ATP11A: variants seen among roughly 807,000 people sequenced by gnomAD.
The protein encoded by ATP11A is phospholipid-transporting ATPase IH.
In ATP11A, 81 loss-of-function variants were observed where a neutral mutation model predicts 154.4. That is an observed-to-expected ratio of 0.52 (90% CI 0.44 to 0.63). ATP11A has a LOEUF of 0.63. Among genes scored for constraint, ATP11A ranks in the 30% least tolerant of loss-of-function variants. ATP11A has a pLI of 0.00. For synonymous variants in ATP11A, 623 were observed against 585.9 expected (o/e 1.06, Z -0.91); for missense variants, 1,316 against 1,474.3 (o/e 0.89, Z 1.76).
At chr13:112,693,170 ACTCC>A (rs1418425534) in intron 1 of ATP11A, among the ~76,000 whole-genome samples, 1 of 152,142 alleles carries the variant, frequency 6.6e-6, no homozygotes, top group Admixed American at 6.5e-5. Flanking sequence ...GTAGCCAGGT[ACTCC>A]ACACTGTGTG....
At chr13:112,713,684 A>G (rs1888027469) in intron 1 of ATP11A, among the ~76,000 whole-genome samples, 1 of 152,132 alleles carries the variant, frequency 6.6e-6, no homozygotes, top group African/African-American at 2.4e-5. Context: ...CTCGCGGTTT[A>G]ATTTGCGGGA....
At chr13:112,853,545 C>T (rs1016500092) in intron 18 of ATP11A, among the ~76,000 whole-genome samples, 6 of 152,146 alleles carry the variant, frequency 3.9e-5, no homozygotes, top group African/African-American at 9.7e-5. Flanking sequence ...ATGGTTTGAC[C>T]CCAGATCTCC....
At chr13:112,836,531 C>A (rs1208188890) in intron 16 of ATP11A, among the ~76,000 whole-genome samples, 1 of 152,170 alleles carries the variant, frequency 6.6e-6, no homozygotes, top group Non-Finnish European at 1.5e-5. Flanking sequence ...TTGAAAATTG[C>A]TTAATTCCAT....
rs2080903832 is a variant in ATP11A at position 112,882,247 on chromosome 13, C to T, written c.*381C>T. ...GGCTCAACGCAGGAGGGACATTCTG[C>T]TGGCCCACCCTGCGCGCTGTCATGC... On this transcript the variant is annotated 3_prime_UTR_variant, in exon 30 of 30. Transcript: ENST00000375645. This position sits in a 1 kb window ranked among gnomAD's most constrained non-coding sequence, Gnocchi z 5.1. 6 of 668,362 alleles carry T rather than the reference C, an allele frequency of 9.0e-6. No homozygotes were observed. Among genetic ancestry groups the T allele is most frequent in the South Asian group, 1.7e-5 (1 of 57,702 alleles). The allele number at this position is 668,362 out of a possible 1,614,324, so 41.4% of individuals were successfully genotyped here. A position where few individuals can be genotyped will look rare whatever the true frequency, so the allele number is the denominator to read the frequency against.
chr13:112,835,267 G>A (rs1304719602), intron 15 of ATP11A, among the ~76,000 whole-genome samples: 1 of 152,248 alleles, frequency 6.6e-6, no homozygotes, highest in Non-Finnish European at 1.5e-5. Flanking sequence ...AGGAGAGGGG[G>A]TGGTGGCTTA....
rs962786319 is a variant in ATP11A, at chr13:112,882,945, C to T, written c.*1079C>T. The T allele has an allele frequency of 2.5e-5, 10 of 399,118 alleles. No homozygotes were observed. The highest frequency in any genetic ancestry group is 4.4e-5 in the Admixed American group (1 of 22,720). 24.7% of individuals were successfully genotyped at this position (399,118 alleles called of 1,614,324 possible). ...ACGGGTGGATCCCAACAGGCAGCACCGCACCTCTGCCCGCCTCCCGCACTG... is the reference window on the plus strand; with the variant it reads ...ACGGGTGGATCCCAACAGGCAGCACTGCACCTCTGCCCGCCTCCCGCACTG... On this transcript the variant is annotated 3_prime_UTR_variant, in exon 30 of 30. Coordinates refer to ENST00000375645, the MANE Select transcript of ATP11A (RefSeq NM_015205.3). This position sits in a 1 kb window ranked among gnomAD's most constrained non-coding sequence, Gnocchi z 5.1.
chr13:112,858,056 T>C, intron 21 of ATP11A, 89 bp from the exon 22 acceptor site: 2 of 1,579,970 alleles, frequency 1.3e-6, no homozygotes, highest in Non-Finnish European at 1.7e-6. Flanking sequence ...AGGCTCATGA[T>C]GATGGTTTCA....
At position 112,827,407 on chromosome 13, in the gene ATP11A, T is replaced by G. The variant is rs114322805; in HGVS notation, c.1221+516T>G. ...GTGAAATGGAGATGATAACAGATGC[T>G]GGCCTTACAGGATTGGGTTGCAGAT... On this transcript the variant is annotated intron_variant, in intron 12 of 29. Transcript: ENST00000375645. 8.2e-3 allele frequency among the ~76,000 whole-genome samples: 1,253 copies of G among 152,360 alleles called. 20 individuals are homozygous for G. The highest frequency in any genetic ancestry group is 0.029 in the African/African-American group (1,204 of 41,580).
intron 6 of ATP11A, among the ~76,000 whole-genome samples, chr13:112,818,161 G>T (rs9635142): frequency 0.19 from 27,967 of 150,596 alleles, 3,113 homozygotes; most frequent in Middle Eastern, 0.25. Context: ...CCGTGTGTGC[G>T]CTTGGTGACA....
chr13:112,697,053 T>G lies in ATP11A; in HGVS notation c.39+6598T>G, dbSNP rs903590355. On this transcript the variant is annotated intron_variant, in intron 1 of 29. Transcript: ENST00000375645. The surrounding 1 kb of genome is among the most constrained non-coding windows in gnomAD (Gnocchi z 4.0). ...TGCTTGCGCGCAGTGGGTGGCGGGG[T>G]GGACGAGGTGAGGGCCTGGCCAGGT... 1 of 151,908 alleles carries G rather than the reference T, an allele frequency of 6.6e-6. No homozygotes were observed. The highest frequency in any genetic ancestry group is 1.5e-5 in the Non-Finnish European group (1 of 68,106). 9.4% of individuals were successfully genotyped at this position (151,908 alleles called of 1,614,324 possible).
chr13:112,797,950 A>G (rs1220602144), intron 2 of ATP11A, among the ~76,000 whole-genome samples: 1 of 152,218 alleles, frequency 6.6e-6, no homozygotes, highest in Non-Finnish European at 1.5e-5. Context: ...GGGAAGTCCA[A>G]GATCAAGACA....
intron 1 of ATP11A, among the ~76,000 whole-genome samples, chr13:112,775,868 C>A (rs2077336167): frequency 6.6e-6 from 1 of 152,212 alleles, no homozygotes; most frequent in Non-Finnish European, 1.5e-5. Context: ...CTAGTTTCTG[C>A]CCCCAGTTCC....
chr13:112,762,630 G>A (rs1176679416), intron 1 of ATP11A, among the ~76,000 whole-genome samples: 1 of 152,170 alleles, frequency 6.6e-6, no homozygotes, highest in Non-Finnish European at 1.5e-5. Flanking sequence ...GTGCAGAAGT[G>A]GTTCATTTTT....
intron 2 of ATP11A, among the ~76,000 whole-genome samples, chr13:112,787,060 C>G (rs199672946): frequency 0.2 from 21,419 of 107,746 alleles, 1,976 homozygotes; most frequent in Middle Eastern, 0.35. Context: ...TAATTCACAC[C>G]GGGTGTCCTG....
intron 28 of ATP11A, among the ~76,000 whole-genome samples, chr13:112,876,831 G>A (rs2080742807): frequency 6.6e-6 from 1 of 152,102 alleles, no homozygotes. Context: ...TCAGACACCC[G>A]GGGGCTGGCT....
At chr13:112,836,721 AGT>A (rs1311721039) in intron 16 of ATP11A, among the ~76,000 whole-genome samples, 4 of 152,244 alleles carry the variant, frequency 2.6e-5, no homozygotes, top group Admixed American at 6.5e-5. Context: ...TTGCCGTAAC[AGT>A]GTGTCTGTGA....
chr13:112,774,520 C>A lies in ATP11A; in HGVS notation c.40-10615C>A, dbSNP rs4907763. 5.5e-3 allele frequency among the ~76,000 whole-genome samples: 841 copies of A among 152,338 alleles called. 7 individuals are homozygous for A. The highest frequency in any genetic ancestry group is 0.018 in the African/African-American group (758 of 41,572). On this transcript the variant is annotated intron_variant, in intron 1 of 29. Coordinates refer to ENST00000375645, the MANE Select transcript of ATP11A (RefSeq NM_015205.3). Reference sequence around the variant, plus strand: ...CTCTCAGGGGAGGGTGAGATTCCAACTTACAAATTGCAAATGTGCGATGTG... The same window carrying A: ...CTCTCAGGGGAGGGTGAGATTCCAAATTACAAATTGCAAATGTGCGATGTG...
rs1246484266 is a variant in ATP11A at position 112,885,297 on chromosome 13, C to G, written c.*3431C>G. 6.6e-6 allele frequency: 1 copy of G among 152,134 alleles called. No individual in the cohort carries two copies. The highest frequency in any genetic ancestry group is 2.4e-5 in the African/African-American group (1 of 41,340). 9.4% of individuals were successfully genotyped at this position (152,134 alleles called of 1,614,324 possible). ...GCTCCTACAGGCTTGCTCTCACACA[C>G]GTGTATGCACAGCAGAGAGACGTAT... On this transcript the variant is annotated 3_prime_UTR_variant, in exon 30 of 30. Transcript: ENST00000375645.
chr13:112,879,356 C>A (rs577746138), intron 29 of ATP11A, among the ~76,000 whole-genome samples: 2 of 152,298 alleles, frequency 1.3e-5, no homozygotes, highest in South Asian at 4.1e-4. Flanking sequence ...AATTTAGTGT[C>A]ATCAGAATTT....
Sources: gnomAD v4.1 joint callset for allele counts (sites outside exome capture counted in the v4.1 genomes callset) on GRCh38, gnomAD v4.1.1 for gene constraint, Gnocchi (gnomAD v3.1) non-coding constraint, MANE v1.5 for transcripts, NCBI Gene and HGNC (gene_info 2026-07-23, HGNC 2026-07-21) for gene names.